FHIT: variants seen among roughly 807,000 people sequenced by gnomAD.
The protein encoded by FHIT is bis(5'-adenosyl)-triphosphatase.
A neutral mutation model predicts 17.9 loss-of-function variants in FHIT; 19 were observed. That is an observed-to-expected ratio of 1.06 (90% CI 0.74 to 1.56). The LOEUF (loss-of-function observed/expected upper bound fraction) is 1.56, where lower values mean the gene tolerates loss of function less well. Ranked by LOEUF, FHIT falls within the 40% of genes most tolerant of loss-of-function variation. The probability of loss-of-function intolerance (pLI) is 0.00; values close to 1 mark genes in which losing one functional copy is unlikely to be tolerated. For synonymous variants in FHIT, 81 were observed against 69.7 expected (o/e 1.16, Z -0.81); for missense variants, 248 against 189.2 (o/e 1.31, Z -1.82).
chr3:60,843,048 G>A (rs1027003938), intron 3 of FHIT, among the ~76,000 whole-genome samples: 1 of 152,100 alleles, frequency 6.6e-6, no homozygotes, highest in African/African-American at 2.4e-5. Context: ...CTGTGGTGAG[G>A]CATTCCACAG....
At position 60,030,373 on chromosome 3, in the gene FHIT, G is replaced by A. The variant is rs148977735; in HGVS notation, c.104-16221C>T. ...CCCTTTCTGTAGTGCATTATCTGCCGCTGGTCCAGAAGCTCTTTAAAAACA... is the reference window on the plus strand; with the variant it reads ...CCCTTTCTGTAGTGCATTATCTGCCACTGGTCCAGAAGCTCTTTAAAAACA... On this transcript the variant is annotated intron_variant, in intron 5 of 9. Transcript: ENST00000492590. Among the ~76,000 whole-genome samples the A allele has an allele frequency of 8.3e-4, 126 of 152,072 alleles. 1 individual carries two copies. The highest frequency in any genetic ancestry group is 2.8e-3 in the African/African-American group (115 of 41,482).
intron 4 of FHIT, among the ~76,000 whole-genome samples, chr3:60,713,767 G>A (rs1174013579): frequency 6.6e-6 from 1 of 152,068 alleles, no homozygotes; most frequent in African/African-American, 2.4e-5. Flanking sequence ...CCAATAACAG[G>A]ATCTGAAATT....
At chr3:60,180,348 C>T (rs1469499865) in intron 5 of FHIT, among the ~76,000 whole-genome samples, 1 of 152,172 alleles carries the variant, frequency 6.6e-6, no homozygotes, top group Non-Finnish European at 1.5e-5. Flanking sequence ...ACACCTGCAA[C>T]AGCATCATTA....
intron 3 of FHIT, among the ~76,000 whole-genome samples, chr3:60,985,112 A>G (rs1012554700): frequency 2.6e-5 from 4 of 152,146 alleles, no homozygotes; most frequent in Non-Finnish European, 4.4e-5. Flanking sequence ...ACGTAATCCA[A>G]GCTCATGAGT....
chr3:60,057,301 A>C (rs114745236), intron 5 of FHIT, among the ~76,000 whole-genome samples: 351 of 152,302 alleles, frequency 2.3e-3, no homozygotes, highest in African/African-American at 8.1e-3. Flanking sequence ...TAATATGTGG[A>C]ATACTAGTAA....
At chr3:60,500,771 T>TAAAAAAAAAAAAAAAAAAAAAAAA (rs71092606) in intron 5 of FHIT, among the ~76,000 whole-genome samples, 1 of 64,860 alleles carries the variant, frequency 1.5e-5, no homozygotes, top group African/African-American at 6.1e-5. Flanking sequence ...AGCATCCATC[T>TAAAAAAAAAAAAAAAAAAAAAAAA]AAAAAAAAAA....
At chr3:60,004,598 C>T (rs909161047) in intron 7 of FHIT, among the ~76,000 whole-genome samples, 1 of 152,058 alleles carries the variant, frequency 6.6e-6, no homozygotes, top group African/African-American at 2.4e-5. Flanking sequence ...ATTTACAAAA[C>T]CTGTGCTTGA....
At chr3:60,511,964 A>G (rs1481291357) in intron 5 of FHIT, among the ~76,000 whole-genome samples, 1 of 152,192 alleles carries the variant, frequency 6.6e-6, no homozygotes, top group Non-Finnish European at 1.5e-5. Context: ...AGAGAGAAAC[A>G]GCAACAGACA....
At chr3:60,588,120 T>G (rs1021892268) in intron 4 of FHIT, among the ~76,000 whole-genome samples, 2 of 152,050 alleles carry the variant, frequency 1.3e-5, no homozygotes, top group Non-Finnish European at 2.9e-5. Flanking sequence ...ATCATTCACG[T>G]GGACCAAGAA....
chr3:61,019,415 A>T (rs1276507255), intron 3 of FHIT, among the ~76,000 whole-genome samples: 2 of 152,176 alleles, frequency 1.3e-5, no homozygotes, highest in Non-Finnish European at 2.9e-5. Context: ...AACAGGTGGG[A>T]GTAAGGAAGG....
chr3:60,525,306 TCTAC>T (rs2035530940), intron 5 of FHIT, among the ~76,000 whole-genome samples: 1 of 152,216 alleles, frequency 6.6e-6, no homozygotes, highest in South Asian at 2.1e-4. Context: ...AGAATATTCC[TCTAC>T]CTAACCATCC....
chr3:60,486,948 T>C (rs1478493883), intron 5 of FHIT, among the ~76,000 whole-genome samples: 1 of 152,174 alleles, frequency 6.6e-6, no homozygotes, highest in Admixed American at 6.5e-5. Flanking sequence ...TGGGAGTGAC[T>C]GTTTAGACAC....
At chr3:60,850,590 C>T (rs1401867566) in intron 3 of FHIT, among the ~76,000 whole-genome samples, 2 of 152,008 alleles carry the variant, frequency 1.3e-5, no homozygotes, top group Non-Finnish European at 1.5e-5. Flanking sequence ...TATTAAAACA[C>T]CATGAAGACA....
At chr3:60,574,293 T>G (rs2037490907) in intron 4 of FHIT, among the ~76,000 whole-genome samples, 1 of 151,988 alleles carries the variant, frequency 6.6e-6, no homozygotes, top group Non-Finnish European at 1.5e-5. Flanking sequence ...GCAACTCCAG[T>G]GGAAACCACT....
At chr3:59,900,210 G>C (rs907036610) in intron 8 of FHIT, among the ~76,000 whole-genome samples, 1 of 152,166 alleles carries the variant, frequency 6.6e-6, no homozygotes, top group South Asian at 2.1e-4. Context: ...TTAAGCAACA[G>C]ACTTTCTTGG....
At chr3:60,666,962 C>G (rs1456539502) in intron 4 of FHIT, among the ~76,000 whole-genome samples, 17 of 150,218 alleles carry the variant, frequency 1.1e-4, no homozygotes, top group African/African-American at 3.9e-4. Context: ...TCAACCAATC[C>G]TCTCACCTCA....
chr3:61,140,357 C>T (rs1049016375), intron 2 of FHIT, among the ~76,000 whole-genome samples: 3 of 152,114 alleles, frequency 2.0e-5, no homozygotes, highest in African/African-American at 4.8e-5. Flanking sequence ...CTATCCTTAT[C>T]CACTAAGAAT....
rs149220296 is a variant in FHIT at position 60,433,691 on chromosome 3, T to C, written c.103+103169A>G. ...ATTAGTAATGGTGAACATCATTTCA[T>C]ATACCTGTTGGCTATTAGCATGTTT... On this transcript the variant is annotated intron_variant, in intron 5 of 9. Transcript: ENST00000492590. 7.5e-4 allele frequency among the ~76,000 whole-genome samples: 114 copies of C among 152,286 alleles called. 1 individual carries two copies. In the East Asian group the frequency reaches 0.02, roughly 26 times the overall value.
Position 60,549,797 on chromosome 3 carries a change from C to T in FHIT, c.-17-12818G>A, listed in dbSNP as rs528122260. Among the ~76,000 whole-genome samples the T allele has an allele frequency of 2.4e-3, 365 of 152,224 alleles. 1 individual carries two copies. The highest frequency in any genetic ancestry group is 8.1e-3 in the African/African-American group (337 of 41,542). ...AATGAAAAAGAAACACTGTTCTCTT[C>T]GTTAAAAGAATAAAACTGTGTTTCC... On this transcript the variant is annotated intron_variant, in intron 4 of 9. Transcript: ENST00000492590.
Sources: allele counts gnomAD v4.1 joint callset (sites outside exome capture counted in the v4.1 genomes callset), GRCh38; gene constraint gnomAD v4.1.1; transcripts MANE v1.5; gene names NCBI Gene and HGNC (gene_info 2026-07-23, HGNC 2026-07-21).